The following RHBDD1 variants were observed in gnomAD, a reference collection of about 807,000 sequenced individuals.
The protein encoded by RHBDD1 is rhomboid domain containing 1, also known as rhomboid-related protein 4.
In RHBDD1, 38 loss-of-function variants were observed where a neutral mutation model predicts 36.3. That is an observed-to-expected ratio of 1.05 (90% CI 0.81 to 1.37). RHBDD1 has a LOEUF of 1.37. Ranked by LOEUF, RHBDD1 falls within the 40% of genes most tolerant of loss-of-function variation. The pLI, the probability that RHBDD1 is intolerant of heterozygous loss-of-function variation, is 0.00. For missense variants in RHBDD1, 393 were observed against 377.6 expected (o/e 1.04, Z -0.34); for synonymous variants, 151 against 136.5 (o/e 1.11, Z -0.74).
At chr2:226,829,878 A>G in the RHBDD1 span, among the ~76,000 whole-genome samples, 1 of 152,078 alleles carries the variant, frequency 6.6e-6, no homozygotes, top group African/African-American at 2.4e-5. Flanking sequence ...TGAAACCTCC[A>G]GTACAACATA....
chr2:226,832,765 T>C (rs1940773708), upstream of RHBDD1, among the ~76,000 whole-genome samples: 1 of 152,188 alleles, frequency 6.6e-6, no homozygotes, highest in Admixed American at 6.5e-5. Context: ...TAATCCCATT[T>C]GGGAGGCCGA....
the RHBDD1 span, among the ~76,000 whole-genome samples, chr2:226,806,107 T>C: frequency 1.3e-5 from 2 of 151,924 alleles, no homozygotes; most frequent in Admixed American, 1.3e-4. Flanking sequence ...TTCTTTTTAC[T>C]GGGTCTCATC....
chr2:226,975,943 G>T (rs760477191), intron 8 of RHBDD1, among the ~76,000 whole-genome samples: 1 of 152,030 alleles, frequency 6.6e-6, no homozygotes, highest in African/African-American at 2.4e-5. Context: ...GGGTTGTTGT[G>T]TTCTGTATCT....
Position 226,852,916 on chromosome 2 carries a change from A to G in RHBDD1, c.-90-11688A>G, listed in dbSNP as rs867349004. On this transcript the variant is annotated intron_variant, in intron 3 of 8. Transcript: ENST00000392062. ...ACCTGGCTAATTTATTATTATTATT[A>G]TTATTATTATTATTATTATTATTAT... is the stretch of plus-strand genomic sequence containing the variant. Among the ~76,000 whole-genome samples, 546 of 145,444 alleles carry G rather than the reference A, an allele frequency of 3.8e-3. 5 individuals carry two copies. Among genetic ancestry groups the G allele is most frequent in the African/African-American group, 0.013 (508 of 40,156 alleles).
chr2:226,918,173 AT>A (rs932059774), intron 8 of RHBDD1, among the ~76,000 whole-genome samples: 1 of 151,754 alleles, frequency 6.6e-6, no homozygotes, highest in South Asian at 2.1e-4. Context: ...CACTACATTT[AT>A]TTTTTTTAAT....
intron 4 of RHBDD1, among the ~76,000 whole-genome samples, chr2:226,865,914 C>T (rs1050649570): frequency 3.3e-5 from 5 of 152,168 alleles, no homozygotes; most frequent in African/African-American, 1.2e-4. Flanking sequence ...AACTGTCCTG[C>T]GATGCCTCTG....
chr2:226,840,486 T>G (rs1941490996), intron 3 of RHBDD1, among the ~76,000 whole-genome samples: 1 of 152,218 alleles, frequency 6.6e-6, no homozygotes, highest in South Asian at 2.1e-4. Context: ...ACCTTGGTGA[T>G]GCACTGCACG....
intron 7 of RHBDD1, among the ~76,000 whole-genome samples, chr2:226,909,817 A>G (rs1357547571): frequency 1.3e-5 from 2 of 152,200 alleles, no homozygotes; most frequent in Admixed American, 1.3e-4. Context: ...CAGCCAGTCT[A>G]TGGCTGTTTG....
intron 5 of RHBDD1, among the ~76,000 whole-genome samples, chr2:226,883,961 C>T (rs1946001517): frequency 6.6e-6 from 1 of 152,098 alleles, no homozygotes; most frequent in Non-Finnish European, 1.5e-5. Flanking sequence ...AGTCATGAAG[C>T]CGCTAAAGCA....
At chr2:226,824,837 C>T in the RHBDD1 span, among the ~76,000 whole-genome samples, 1 of 152,046 alleles carries the variant, frequency 6.6e-6, no homozygotes. Context: ...CTTTTTGAAG[C>T]AAATTTTAAT....
intron 3 of RHBDD1, among the ~76,000 whole-genome samples, chr2:226,852,901 T>TTTATTATTGTTATTATTATTA (rs1553543385): frequency 8.0e-6 from 1 of 125,202 alleles, no homozygotes; most frequent in East Asian, 2.2e-4. Context: ...ACCTGGCTAA[T>TTTATTATTGTTATTATTATTA]TTATTATTAT....
Position 226,921,252 on chromosome 2 carries a change from G to C in RHBDD1, c.856+6901G>C, listed in dbSNP as rs968804232. Among the ~76,000 whole-genome samples the C allele has an allele frequency of 1.8e-4, 27 of 151,908 alleles. No individual in the cohort carries two copies. The East Asian group carries it at 5.0e-3, about 28-fold the overall frequency. On this transcript the variant is annotated intron_variant, in intron 8 of 8. Transcript: ENST00000392062. ...TTTGGGTCTTCTCTCTTTTTTCTTA[G>C]CCTGACTAAAGGTGTGTTGATTTTG...
intron 5 of RHBDD1, among the ~76,000 whole-genome samples, chr2:226,882,508 A>T (rs1315766149): frequency 6.6e-6 from 1 of 150,770 alleles, no homozygotes; most frequent in Non-Finnish European, 1.5e-5. Flanking sequence ...TTTGTGGGAG[A>T]TAGAAGACAT....
At chr2:226,974,688 T>G (rs1477252370) in intron 8 of RHBDD1, among the ~76,000 whole-genome samples, 1 of 152,140 alleles carries the variant, frequency 6.6e-6, no homozygotes, top group African/African-American at 2.4e-5. Context: ...TGGAAGTGAT[T>G]TGTATAGATT....
chr2:226,862,972 G>A (rs1469247836), intron 3 of RHBDD1, among the ~76,000 whole-genome samples: 1 of 152,196 alleles, frequency 6.6e-6, no homozygotes, highest in Non-Finnish European at 1.5e-5. Flanking sequence ...ACCCCAGGGA[G>A]GGCATTCATC....
chr2:226,901,449 G>A (rs189387325), intron 5 of RHBDD1, among the ~76,000 whole-genome samples: 171 of 152,294 alleles, frequency 1.1e-3, no homozygotes, highest in African/African-American at 4.0e-3. Context: ...GATTTTGTAA[G>A]GAACCTCTGT....
intron 8 of RHBDD1, among the ~76,000 whole-genome samples, chr2:226,987,167 G>A (rs1456616448): frequency 6.6e-6 from 1 of 152,172 alleles, no homozygotes; most frequent in Non-Finnish European, 1.5e-5. Flanking sequence ...TCACAGACCA[G>A]GGCCTGTTGG....
At chr2:226,840,903 A>G (rs1409164065) in intron 3 of RHBDD1, among the ~76,000 whole-genome samples, 1 of 151,972 alleles carries the variant, frequency 6.6e-6, no homozygotes, top group Non-Finnish European at 1.5e-5. Context: ...TTCTTAAGTA[A>G]AAAGTCTCTT....
chr2:226,891,418 T>C (rs775369858), intron 5 of RHBDD1, among the ~76,000 whole-genome samples: 1 of 152,220 alleles, frequency 6.6e-6, no homozygotes, highest in Non-Finnish European at 1.5e-5. Flanking sequence ...TTATGTAATA[T>C]TAATAGCATA....
Sources: allele counts gnomAD v4.1 joint callset (sites outside exome capture counted in the v4.1 genomes callset), GRCh38; gene constraint gnomAD v4.1.1; transcripts MANE v1.5; gene names NCBI Gene and HGNC (gene_info 2026-07-23, HGNC 2026-07-21).